The following NTM variants were observed in gnomAD, a reference collection of about 807,000 sequenced individuals.
NTM encodes the protein neurotrimin, also known as IgLON family member 2.
A neutral mutation model predicts 42.1 loss-of-function variants in NTM; 13 were observed. That is an observed-to-expected ratio of 0.31 (90% confidence interval 0.20 to 0.49). The LOEUF is 0.49. NTM is among the 20% of genes least tolerant of loss of function. NTM has a pLI of 0.99. For synonymous variants in NTM, 187 were observed against 179.2 expected (o/e 1.04, Z -0.35); for missense variants, 373 against 452.8 (o/e 0.82, Z 1.60).
At chr11:131,586,785 G>A (rs2058904240) in intron 1 of NTM, among the ~76,000 whole-genome samples, 1 of 152,092 alleles carries the variant, frequency 6.6e-6, no homozygotes, top group Non-Finnish European at 1.5e-5. Flanking sequence ...AAAGACGGTA[G>A]GTTTTCAAAA....
At chr11:131,689,707 C>G (rs370274472) in intron 1 of NTM, among the ~76,000 whole-genome samples, 2 of 152,268 alleles carry the variant, frequency 1.3e-5, no homozygotes, top group South Asian at 4.1e-4. Context: ...CTTGGGTCCT[C>G]TCTGTCCCAT....
chr11:132,120,342 TGAA>T (rs2064586595), intron 2 of NTM, among the ~76,000 whole-genome samples: 2 of 152,158 alleles, frequency 1.3e-5, no homozygotes, highest in South Asian at 4.1e-4. Flanking sequence ...CTTAGAAATT[TGAA>T]GAAGAGAAAA....
intron 1 of NTM, among the ~76,000 whole-genome samples, chr11:131,472,805 G>A (rs985040892): frequency 2.0e-5 from 3 of 152,120 alleles, no homozygotes; most frequent in Non-Finnish European, 4.4e-5. Flanking sequence ...GACACAGCTA[G>A]TAAGAGGTAG....
chr11:131,646,170 C>T (rs1293089750), intron 1 of NTM, among the ~76,000 whole-genome samples: 2 of 152,184 alleles, frequency 1.3e-5, no homozygotes, highest in Non-Finnish European at 2.9e-5. Flanking sequence ...TAACCCATTG[C>T]TTCTTTTCAT....
At chr11:132,333,602 CT>C (rs2095840067) in intron 8 of NTM, among the ~76,000 whole-genome samples, 1 of 152,126 alleles carries the variant, frequency 6.6e-6, no homozygotes, top group Non-Finnish European at 1.5e-5. Flanking sequence ...GCACAGATGC[CT>C]TTGGTTTTGT....
chr11:132,219,669 C>T (rs1463465537), intron 4 of NTM, among the ~76,000 whole-genome samples: 3 of 151,842 alleles, frequency 2.0e-5, no homozygotes, highest in Non-Finnish European at 4.4e-5. Flanking sequence ...CAAGTCTGAG[C>T]TTTAGACTCT....
intron 7 of NTM, among the ~76,000 whole-genome samples, chr11:132,325,363 A>G (rs561950994): frequency 9.2e-5 from 14 of 152,368 alleles, no homozygotes; most frequent in African/African-American, 2.9e-4. Flanking sequence ...AAAGGACATG[A>G]ACAGACACTT....
chr11:131,704,901 G>A (rs1409922577), intron 1 of NTM, among the ~76,000 whole-genome samples: 2 of 152,156 alleles, frequency 1.3e-5, no homozygotes, highest in African/African-American at 2.4e-5. Flanking sequence ...TCAAAGACAG[G>A]TCATTTGAAA....
chr11:131,717,868 A>G (rs2077889015), intron 1 of NTM, among the ~76,000 whole-genome samples: 1 of 152,156 alleles, frequency 6.6e-6, no homozygotes, highest in Non-Finnish European at 1.5e-5. Flanking sequence ...CATGCTCTTT[A>G]TCAGTTTGAG....
At chr11:131,660,361 C>A in intron 1 of NTM, 1 of 402,762 alleles carries the variant, frequency 2.5e-6, no homozygotes, top group East Asian at 7.3e-5. Flanking sequence ...TTCATTCACA[C>A]CCAAACCAGG....
At chr11:131,744,855 G>T (rs762947256) in intron 1 of NTM, among the ~76,000 whole-genome samples, 1 of 152,090 alleles carries the variant, frequency 6.6e-6, no homozygotes, top group Non-Finnish European at 1.5e-5. Context: ...CCACCACACC[G>T]GTGTGTCAGT....
intron 1 of NTM, among the ~76,000 whole-genome samples, chr11:131,830,474 TG>T (rs760459882): frequency 2.4e-4 from 37 of 152,324 alleles, no homozygotes; most frequent in Middle Eastern, 3.4e-3. Context: ...ATCAGATGGC[TG>T]TAGGTGTGTG....
At chr11:131,695,379 T>G (rs1407187452) in intron 1 of NTM, among the ~76,000 whole-genome samples, 1 of 152,168 alleles carries the variant, frequency 6.6e-6, no homozygotes, top group Non-Finnish European at 1.5e-5. Context: ...CCTGAACGAA[T>G]GACTTTACGC....
At chr11:131,823,547 C>G (rs2093277703) in intron 1 of NTM, among the ~76,000 whole-genome samples, 1 of 152,102 alleles carries the variant, frequency 6.6e-6, no homozygotes, top group Non-Finnish European at 1.5e-5. Flanking sequence ...CTTTTGTTCT[C>G]TGTTAACTAC....
chr11:131,618,425 A>G (rs2062173011), intron 1 of NTM, among the ~76,000 whole-genome samples: 1 of 152,270 alleles, frequency 6.6e-6, no homozygotes, highest in African/African-American at 2.4e-5. Context: ...ATGTTGCAAA[A>G]GCAGCCAGTT....
At chr11:132,143,131 C>T (rs912199770) in intron 2 of NTM, among the ~76,000 whole-genome samples, 3 of 152,132 alleles carry the variant, frequency 2.0e-5, no homozygotes, top group Admixed American at 1.3e-4. Context: ...TCTCCTGTAA[C>T]GTATCAGAAA....
At chr11:132,291,247 G>A (rs534425230) in intron 4 of NTM, among the ~76,000 whole-genome samples, 1 of 152,252 alleles carries the variant, frequency 6.6e-6, no homozygotes, top group South Asian at 2.1e-4. Context: ...AGAAGAGGAT[G>A]GATTCAAGAT....
At chr11:131,851,533 G>GCGCGCA (rs2045546076) in intron 1 of NTM, among the ~76,000 whole-genome samples, 1 of 9,430 alleles carries the variant, frequency 1.1e-4, no homozygotes, top group Admixed American at 1.1e-3. Context: ...TGAGAATGGC[G>GCGCGCA]TGTGTGTGTG....
intron 3 of NTM, among the ~76,000 whole-genome samples, chr11:132,209,832 A>T (rs1373664909): frequency 6.6e-6 from 1 of 152,214 alleles, no homozygotes; most frequent in Non-Finnish European, 1.5e-5. Context: ...ATAAGGAGAT[A>T]GCTCAGTGCA....
Sources: gnomAD v4.1 joint callset for allele counts (sites outside exome capture counted in the v4.1 genomes callset) on GRCh38, gnomAD v4.1.1 for gene constraint, MANE v1.5 for transcripts, NCBI Gene and HGNC (gene_info 2026-07-23, HGNC 2026-07-21) for gene names.